PIK3C2G: variants seen among roughly 807,000 people sequenced by gnomAD.
PIK3C2G encodes phosphatidylinositol 3-kinase C2 domain-containing subunit gamma.
In PIK3C2G, 168 loss-of-function variants were observed where a neutral mutation model predicts 181.1. That is an observed-to-expected ratio of 0.93 (90% CI 0.82 to 1.05). The LOEUF is 1.05. Ranked by LOEUF, PIK3C2G falls within the 50% of genes least tolerant of loss-of-function variation. The probability of loss-of-function intolerance (pLI) is 0.00; values close to 1 mark genes in which losing one functional copy is unlikely to be tolerated. For synonymous variants in PIK3C2G, 573 were observed against 592.2 expected (o/e 0.97, Z 0.47); for missense variants, 1,869 against 1,732.8 (o/e 1.08, Z -1.40).
the PIK3C2G span, among the ~76,000 whole-genome samples, chr12:18,671,910 C>A: frequency 6.6e-6 from 1 of 152,104 alleles, no homozygotes; most frequent in African/African-American, 2.4e-5. Context: ...ATATATAGCA[C>A]CTTTTCATGA....
chr12:18,426,426 C>T lies in PIK3C2G; in HGVS notation c.2504+2387C>T, dbSNP rs142417200. On this transcript the variant is annotated intron_variant, in intron 18 of 32. Coordinates refer to ENST00000538779, the MANE Select transcript of PIK3C2G (RefSeq NM_001288772.2). ...TGGTTCCAATCCTGTTTTCAAAAAA[C>T]GATTTATCCTATTATCACCTACACT... Among the ~76,000 whole-genome samples the T allele has an allele frequency of 4.9e-4, 74 of 152,136 alleles. 1 individual carries two copies. The highest frequency in any genetic ancestry group is 1.7e-3 in the African/African-American group (71 of 41,528).
Position 18,495,099 on chromosome 12 carries a change from A to C in PIK3C2G, c.2794-963A>C, listed in dbSNP as rs538852909. On this transcript the variant is annotated intron_variant, in intron 20 of 32. Coordinates refer to ENST00000538779, the MANE Select transcript of PIK3C2G (RefSeq NM_001288772.2). ...GTTAAGAAATAGATATTTTCTCTCA[A>C]CTTCTAATTTCAGACTTCTTGTAGA... Among the ~76,000 whole-genome samples the C allele has an allele frequency of 5.3e-4, 81 of 152,154 alleles. 2 individuals are homozygous for C. In the South Asian group the frequency reaches 0.016, roughly 29 times the overall value.
chr12:18,701,692 C>T, the PIK3C2G span: 1 of 1,612,668 alleles, frequency 6.2e-7, no homozygotes, highest in Non-Finnish European at 8.5e-7. Flanking sequence ...TCCACCTTAC[C>T]ACGCTTATCA....
intron 24 of PIK3C2G, among the ~76,000 whole-genome samples, chr12:18,518,063 C>A (rs1192360818): frequency 6.6e-6 from 1 of 152,158 alleles, no homozygotes; most frequent in Admixed American, 6.5e-5. Context: ...GTTGAACCAG[C>A]CTTGCACCCC....
At chr12:18,384,411 G>A (rs1349875708) in intron 14 of PIK3C2G, among the ~76,000 whole-genome samples, 1 of 152,152 alleles carries the variant, frequency 6.6e-6, no homozygotes, top group Admixed American at 6.5e-5. Flanking sequence ...CCTGTGGGGT[G>A]TGTAAGTGTA....
At chr12:18,253,189 A>G (rs1365985317) in intron 1 of PIK3C2G, among the ~76,000 whole-genome samples, 1 of 152,222 alleles carries the variant, frequency 6.6e-6, no homozygotes, top group African/African-American at 2.4e-5. Flanking sequence ...GTTATGGGAA[A>G]GAAGGAAAAT....
intron 18 of PIK3C2G, among the ~76,000 whole-genome samples, chr12:18,430,026 C>A (rs930802789): frequency 2.0e-5 from 3 of 152,156 alleles, no homozygotes; most frequent in African/African-American, 7.2e-5. Context: ...TTGTTAATTC[C>A]TTTCCCTTCC....
At chr12:18,383,758 A>C (rs1176115786) in intron 14 of PIK3C2G, among the ~76,000 whole-genome samples, 1 of 151,892 alleles carries the variant, frequency 6.6e-6, no homozygotes. Context: ...AAAATGCCTT[A>C]AAAAAACAGG....
chr12:18,410,746 C>A (rs374944194), intron 16 of PIK3C2G, among the ~76,000 whole-genome samples: 1 of 152,068 alleles, frequency 6.6e-6, no homozygotes, highest in South Asian at 2.1e-4. Context: ...CTCAAAATTT[C>A]TATCCTTTTC....
intron 15 of PIK3C2G, among the ~76,000 whole-genome samples, chr12:18,393,951 A>G (rs1943703135): frequency 6.6e-6 from 1 of 152,138 alleles, no homozygotes; most frequent in Non-Finnish European, 1.5e-5. Context: ...GATGAGAGCT[A>G]CAGAAATCTG....
chr12:18,585,130 A>G (rs1946704579), intron 29 of PIK3C2G, among the ~76,000 whole-genome samples: 2 of 152,324 alleles, frequency 1.3e-5, no homozygotes, highest in South Asian at 4.2e-4. Context: ...AAGCAAACAC[A>G]CAAACAAGCT....
rs115954426 is a variant in PIK3C2G, at chr12:18,485,528, T to C, written c.2505-2921T>C. Among the ~76,000 whole-genome samples the C allele has an allele frequency of 5.5e-3, 845 of 152,312 alleles. 5 individuals are homozygous for C. Among genetic ancestry groups the C allele is most frequent in the African/African-American group, 0.019 (801 of 41,580 alleles). On this transcript the variant is annotated intron_variant, in intron 18 of 32. Coordinates refer to ENST00000538779, the MANE Select transcript of PIK3C2G (RefSeq NM_001288772.2). Reference sequence around the variant, plus strand: ...ATACTGTCAAAATCTTCTTTAATCATCTAGATTTTATGCATTCATCCTCAT... The same window carrying C: ...ATACTGTCAAAATCTTCTTTAATCACCTAGATTTTATGCATTCATCCTCAT...
chr12:18,502,820 A>G (rs1017932652), intron 22 of PIK3C2G, among the ~76,000 whole-genome samples: 86 of 152,340 alleles, frequency 5.6e-4, no homozygotes, highest in African/African-American at 2.0e-3. Context: ...GTAACATTTA[A>G]CTGTGAAGCT....
At chr12:18,690,640 C>T in the PIK3C2G span, among the ~76,000 whole-genome samples, 762 of 152,200 alleles carry the variant, frequency 5.0e-3, 4 homozygotes, top group African/African-American at 0.017. Flanking sequence ...GAGGGTGTTA[C>T]GGAAAACAGC....
intron 6 of PIK3C2G, among the ~76,000 whole-genome samples, chr12:18,315,892 CGTGTGT>C (rs59803351): frequency 0.019 from 2,778 of 147,550 alleles, 70 homozygotes; most frequent in African/African-American, 0.065. Flanking sequence ...CATGCATCCA[CGTGTGT>C]GTGTGTGTGT....
At chr12:18,567,510 G>C (rs1945699964) in intron 29 of PIK3C2G, among the ~76,000 whole-genome samples, 2 of 152,000 alleles carry the variant, frequency 1.3e-5, no homozygotes, top group African/African-American at 4.8e-5. Context: ...AGCAAAACAA[G>C]TATAGAACCT....
At chr12:18,571,121 C>T (rs1945913924) in intron 29 of PIK3C2G, among the ~76,000 whole-genome samples, 1 of 150,720 alleles carries the variant, frequency 6.6e-6, no homozygotes, top group African/African-American at 2.5e-5. Context: ...CTTTCTTATT[C>T]TTTCAAAATA....
chr12:18,716,616 G>A, the PIK3C2G span, among the ~76,000 whole-genome samples: 27 of 152,122 alleles, frequency 1.8e-4, no homozygotes, highest in Admixed American at 4.6e-4. Flanking sequence ...TCTTGACTTC[G>A]GCTGCTAGGA....
intron 1 of PIK3C2G, among the ~76,000 whole-genome samples, chr12:18,264,045 T>C (rs1242991149): frequency 1.3e-5 from 2 of 152,128 alleles, no homozygotes; most frequent in Non-Finnish European, 2.9e-5. Flanking sequence ...CCCAACTTGA[T>C]TGATGTTTGT....
Sources: allele counts gnomAD v4.1 joint callset (sites outside exome capture counted in the v4.1 genomes callset), GRCh38; gene constraint gnomAD v4.1.1; transcripts MANE v1.5; gene names NCBI Gene and HGNC (gene_info 2026-07-23, HGNC 2026-07-21).